Variants in AFDN observed in about 807,000 individuals in gnomAD.
AFDN encodes the protein afadin.
AFDN carries 68 observed loss-of-function variants against 216.6 expected under a neutral mutation model. The observed-to-expected ratio is 0.31, with a 90% CI of 0.26 to 0.38. The LOEUF is 0.38. Ranked by LOEUF, AFDN falls within the 10% of genes least tolerant of loss-of-function variation. The pLI, the probability that AFDN is intolerant of heterozygous loss-of-function variation, is 1.00. For missense variants in AFDN, 2,136 were observed against 2,342.0 expected (o/e 0.91, Z 1.82); for synonymous variants, 868 against 853.7 (o/e 1.02, Z -0.29).
At chr6:167,862,612 T>A (rs1219126211) in intron 1 of AFDN, among the ~76,000 whole-genome samples, 1 of 152,202 alleles carries the variant, frequency 6.6e-6, no homozygotes, top group East Asian at 1.9e-4. Flanking sequence ...TGATCTCAGG[T>A]GATCCGCCCA....
intron 23 of AFDN, among the ~76,000 whole-genome samples, chr6:167,934,416 A>G (rs1227470677): frequency 6.6e-6 from 1 of 152,234 alleles, no homozygotes; most frequent in Non-Finnish European, 1.5e-5. Context: ...CAATTAAGGT[A>G]ATTCCTACCC....
rs182276904 is a variant in AFDN, at chr6:167,872,325, G to A, written c.526G>A (p.Ala176Thr). Residue 176 changes from alanine to threonine, a missense_variant, in exon 4 of 34, where the codon GCA becomes ACA. This residue lies in a region of AFDN where 817 missense variants were observed against 965.7 expected (regional missense o/e 0.85). Coordinates refer to ENST00000683244, the MANE Select transcript of AFDN (RefSeq NM_001386888.1). ...GGAAAAAAAGAAGAGAGAAAAAGAG[G>A]CATTGCGACAGGCATCTGATAAAGA... ...KKEKKKREKE[A>T]LRQASDKDDR... The A allele has an allele frequency of 8.7e-6, 14 of 1,613,936 alleles. No homozygotes were observed. In the Admixed American group the frequency reaches 2.0e-4, roughly 23 times the overall value.
intron 6 of AFDN, 143 bp from the exon 7 acceptor site, chr6:167,889,072 T>A: frequency 1.8e-6 from 1 of 567,934 alleles, no homozygotes. Context: ...TGATGATTAT[T>A]TTGATGATGA....
chr6:167,964,121 A>T (rs1008516266), intron 31 of AFDN: 33 of 1,064,012 alleles, frequency 3.1e-5, no homozygotes, highest in Middle Eastern at 4.1e-4. Flanking sequence ...TGTTTTCATA[A>T]CTCATGATTA....
At chr6:167,949,564 G>A (rs888362994) in intron 29 of AFDN, among the ~76,000 whole-genome samples, 1 of 152,194 alleles carries the variant, frequency 6.6e-6, no homozygotes, top group Non-Finnish European at 1.5e-5. Flanking sequence ...CTGATCACCT[G>A]CAACGGCCCA....
At chr6:167,834,573 C>A (rs141057638) in intron 1 of AFDN, among the ~76,000 whole-genome samples, 2 of 151,160 alleles carry the variant, frequency 1.3e-5, no homozygotes, top group African/African-American at 4.9e-5. Flanking sequence ...CTCCTGCCAC[C>A]CATGGAACGA....
chr6:167,854,115 A>G (rs1005725594), intron 1 of AFDN, among the ~76,000 whole-genome samples: 1 of 151,954 alleles, frequency 6.6e-6, no homozygotes, highest in Admixed American at 6.6e-5. Flanking sequence ...TCAAACCTTC[A>G]GATTTTTGCC....
intron 2 of AFDN, among the ~76,000 whole-genome samples, chr6:167,866,401 A>C (rs1339847127): frequency 6.6e-6 from 1 of 152,124 alleles, no homozygotes. Flanking sequence ...TTTCTGGGTT[A>C]CAGAAACCTT....
intron 1 of AFDN, among the ~76,000 whole-genome samples, chr6:167,846,468 C>T (rs1433326949): frequency 1.3e-5 from 2 of 151,700 alleles, no homozygotes; most frequent in Admixed American, 6.6e-5. Context: ...CAAAACTCCC[C>T]GAAAACCAGT....
chr6:167,949,843 G>A (rs1795756115), intron 29 of AFDN, among the ~76,000 whole-genome samples: 1 of 118,942 alleles, frequency 8.4e-6, no homozygotes, highest in Non-Finnish European at 1.8e-5. Flanking sequence ...GCTGCTACTT[G>A]TTTCTACCTC....
At chr6:167,963,804 A>C in intron 31 of AFDN, 1 of 1,063,102 alleles carries the variant, frequency 9.4e-7, no homozygotes, top group Non-Finnish European at 1.1e-6. Flanking sequence ...GATCTTTCTA[A>C]GGAAATCAGA....
At chr6:167,943,503 T>C in intron 25 of AFDN, 28 bp downstream of exon 25, 1 of 1,564,674 alleles carries the variant, frequency 6.4e-7, no homozygotes, top group Non-Finnish European at 8.8e-7. Context: ...GCTTGAAGCA[T>C]AGTATTAGCA....
At chr6:167,842,355 A>T (rs1251564063) in intron 1 of AFDN, among the ~76,000 whole-genome samples, 1 of 151,912 alleles carries the variant, frequency 6.6e-6, no homozygotes, top group African/African-American at 2.4e-5. Context: ...TGTGTATTGT[A>T]ATGCTGGATT....
chr6:167,876,393 G>T (rs1274323478), intron 5 of AFDN, among the ~76,000 whole-genome samples: 3 of 152,056 alleles, frequency 2.0e-5, no homozygotes, highest in Non-Finnish European at 4.4e-5. Flanking sequence ...ATTTTGTCTT[G>T]TTCTGTCAAG....
At chr6:167,878,636 C>T (rs1785722293) in intron 5 of AFDN, among the ~76,000 whole-genome samples, 1 of 150,990 alleles carries the variant, frequency 6.6e-6, no homozygotes, top group South Asian at 2.1e-4. Context: ...ACACATAGAA[C>T]TTAAACCCTT....
At chr6:167,884,780 T>TA (rs1039595195) in intron 6 of AFDN, among the ~76,000 whole-genome samples, 55 of 152,324 alleles carry the variant, frequency 3.6e-4, no homozygotes, top group African/African-American at 1.3e-3. Flanking sequence ...GGCCTCAACT[T>TA]AAAGTCACCA....
chr6:167,912,287 A>AT, intron 15 of AFDN: 1 of 152,174 alleles, frequency 6.6e-6, no homozygotes. Flanking sequence ...AAATGTACAG[A>AT]TTTTTTCAGT....
intron 1 of AFDN, among the ~76,000 whole-genome samples, chr6:167,849,773 G>C (rs963524460): frequency 6.6e-6 from 1 of 152,212 alleles, no homozygotes; most frequent in Non-Finnish European, 1.5e-5. Context: ...CTACTTCACT[G>C]ATTGGTTCTT....
At chr6:167,941,664 T>G (rs1582982121) in intron 23 of AFDN, among the ~76,000 whole-genome samples, 3 of 34,824 alleles carry the variant, frequency 8.6e-5, no homozygotes, top group African/African-American at 1.6e-4. Flanking sequence ...GGGGTGAGGG[T>G]GGAAACCATC....
Sources: gnomAD v4.1 joint callset for allele counts (sites outside exome capture counted in the v4.1 genomes callset) on GRCh38, gnomAD v4.1.1 for gene constraint, gnomAD v4.1.1 regional missense constraint, MANE v1.5 for transcripts, NCBI Gene and HGNC (gene_info 2026-07-23, HGNC 2026-07-21) for gene names.